Variants in NTM observed in about 807,000 individuals in gnomAD.
NTM encodes the protein IgLON family member 2.
NTM carries 13 observed loss-of-function variants against 42.1 expected under a neutral mutation model. That is an observed-to-expected ratio of 0.31 (90% confidence interval 0.20 to 0.49). The LOEUF (loss-of-function observed/expected upper bound fraction) is 0.49, where lower values mean the gene tolerates loss of function less well. Among genes scored for constraint, NTM ranks in the 20% least tolerant of loss-of-function variants. NTM has a pLI of 0.99. For missense variants in NTM, 373 were observed against 452.8 expected (o/e 0.82, Z 1.60); for synonymous variants, 187 against 179.2 (o/e 1.04, Z -0.35).
intron 1 of NTM, among the ~76,000 whole-genome samples, chr11:131,391,678 A>G (rs577302816): frequency 6.7e-4 from 100 of 149,652 alleles, no homozygotes; most frequent in African/African-American, 2.4e-3. Context: ...AGAAAAGAAG[A>G]AGGCTAGGAT....
chr11:131,767,413 T>C (rs1396985405), intron 1 of NTM, among the ~76,000 whole-genome samples: 1 of 151,974 alleles, frequency 6.6e-6, no homozygotes, highest in Non-Finnish European at 1.5e-5. Context: ...AAAAAGAAAA[T>C]CTACATGCTG....
intron 1 of NTM, among the ~76,000 whole-genome samples, chr11:131,888,744 G>T (rs1423682160): frequency 1.3e-5 from 2 of 152,104 alleles, no homozygotes; most frequent in South Asian, 2.1e-4. Context: ...TCATCCACAG[G>T]GGGTAAAGGG....
chr11:132,141,361 C>T (rs1034578896), intron 2 of NTM, among the ~76,000 whole-genome samples: 6 of 152,054 alleles, frequency 3.9e-5, no homozygotes, highest in African/African-American at 9.7e-5. Context: ...TCTATTTCTG[C>T]GGTGCACATC....
chr11:131,971,373 C>T (rs649928), intron 2 of NTM, among the ~76,000 whole-genome samples: 75,410 of 151,866 alleles, frequency 0.5, 19,362 homozygotes, highest in East Asian at 0.94. Flanking sequence ...TGTGTATTAC[C>T]GATTCTTTGG....
chr11:131,872,149 C>G (rs1345123076), intron 1 of NTM, among the ~76,000 whole-genome samples: 2 of 152,176 alleles, frequency 1.3e-5, no homozygotes, highest in African/African-American at 4.8e-5. Context: ...CACCCTCAAT[C>G]AAGAGTAAAG....
intron 4 of NTM, among the ~76,000 whole-genome samples, chr11:132,229,905 A>G (rs530484633): frequency 6.2e-4 from 95 of 152,318 alleles, no homozygotes; most frequent in African/African-American, 2.3e-3. Context: ...TAAAAATTCC[A>G]CTGTACAGTA....
chr11:132,051,962 T>C (rs2078915960), intron 2 of NTM, among the ~76,000 whole-genome samples: 1 of 152,150 alleles, frequency 6.6e-6, no homozygotes, highest in African/African-American at 2.4e-5. Flanking sequence ...ATGTTACTAG[T>C]TGGTCCATTG....
rs182209580 is a variant in NTM, at chr11:131,736,131, C to A, written c.83-175433C>A. Among the ~76,000 whole-genome samples, 167 of 152,200 alleles carry A rather than the reference C, an allele frequency of 1.1e-3. 1 individual carries two copies. Among genetic ancestry groups the A allele is most frequent in the African/African-American group, 3.5e-3 (144 of 41,528 alleles). Reference sequence around the variant, plus strand: ...TACAGGTGTGAGCCACCACACCCAGCCTCATGAGATAAATATTAAGAAACA... The same window carrying A: ...TACAGGTGTGAGCCACCACACCCAGACTCATGAGATAAATATTAAGAAACA... On this transcript the variant is annotated intron_variant, in intron 1 of 8. Coordinates refer to ENST00000683400, the MANE Select transcript of NTM (RefSeq NM_001352005.2).
intron 1 of NTM, among the ~76,000 whole-genome samples, chr11:131,748,285 G>T (rs1164018305): frequency 6.6e-6 from 1 of 152,182 alleles, no homozygotes; most frequent in Non-Finnish European, 1.5e-5. Flanking sequence ...CACTTGCCAC[G>T]CAGTCACCAG....
intron 4 of NTM, among the ~76,000 whole-genome samples, chr11:132,277,134 T>A (rs1006537697): frequency 6.6e-6 from 1 of 152,218 alleles, no homozygotes; most frequent in Non-Finnish European, 1.5e-5. Context: ...TAATCTGTAA[T>A]CCCTTTTATT....
At chr11:131,643,528 G>T (rs888279636) in intron 1 of NTM, among the ~76,000 whole-genome samples, 1 of 152,178 alleles carries the variant, frequency 6.6e-6, no homozygotes, top group South Asian at 2.1e-4. Flanking sequence ...AGTCCCTAGG[G>T]CTCTACTCAA....
intron 4 of NTM, among the ~76,000 whole-genome samples, chr11:132,247,683 C>CG (rs1566571790): frequency 6.6e-6 from 1 of 152,074 alleles, no homozygotes; most frequent in Admixed American, 6.5e-5. Flanking sequence ...ATCCTGGATT[C>CG]GGGGATAAGA....
At position 131,501,372 on chromosome 11, in the gene NTM, G is replaced by A. The variant is rs531875541; in HGVS notation, c.82+130484G>A. ...GTGAGTTTGGGGCAGATGAAAAGGA[G>A]CTGTCTGTGTAAAGAGCCAGGGGAG... On this transcript the variant is annotated intron_variant, in intron 1 of 8. Coordinates refer to ENST00000683400, the MANE Select transcript of NTM (RefSeq NM_001352005.2). 2.0e-5 allele frequency among the ~76,000 whole-genome samples: 3 copies of A among 152,286 alleles called. No homozygotes were observed. The East Asian group carries it at 5.8e-4, about 30-fold the overall frequency.
At chr11:131,528,165 T>C (rs962772333) in intron 1 of NTM, among the ~76,000 whole-genome samples, 1 of 152,226 alleles carries the variant, frequency 6.6e-6, no homozygotes, top group Non-Finnish European at 1.5e-5. Context: ...TCATTTTGTC[T>C]GTTTTTATTT....
At position 132,170,497 on chromosome 11, in the gene NTM, C is replaced by T. The variant is rs541833591; in HGVS notation, c.400+23983C>T. ...TACCTCTTGGTTACTTCTTTATAAC[C>T]ACATAGGATAAGCTGAATCTTTTGT... On this transcript the variant is annotated intron_variant, in intron 3 of 8. Transcript: ENST00000683400. 3.9e-5 allele frequency among the ~76,000 whole-genome samples: 6 copies of T among 152,236 alleles called. No homozygotes were observed. In the South Asian group the frequency reaches 1.2e-3, roughly 32 times the overall value.
chr11:131,867,069 G>A (rs962680840), intron 1 of NTM, among the ~76,000 whole-genome samples: 1 of 152,128 alleles, frequency 6.6e-6, no homozygotes, highest in Non-Finnish European at 1.5e-5. Context: ...GGGTGCAATC[G>A]CAGGATCAAT....
At chr11:132,240,413 A>C (rs1244174069) in intron 4 of NTM, among the ~76,000 whole-genome samples, 1 of 152,224 alleles carries the variant, frequency 6.6e-6, no homozygotes, top group Non-Finnish European at 1.5e-5. Context: ...TGGTGATTCT[A>C]ACAGTCTTCT....
chr11:131,776,093 AC>A (rs1163203333), intron 1 of NTM, among the ~76,000 whole-genome samples: 1 of 152,150 alleles, frequency 6.6e-6, no homozygotes, highest in Non-Finnish European at 1.5e-5. Context: ...GATGCTGAGA[AC>A]CTTGAGGCTA....
At chr11:131,527,582 A>G (rs1170488905) in intron 1 of NTM, among the ~76,000 whole-genome samples, 1 of 152,226 alleles carries the variant, frequency 6.6e-6, no homozygotes, top group African/African-American at 2.4e-5. Flanking sequence ...AAAAAGCCTC[A>G]TTATTGAATT....
Sources: gnomAD v4.1 joint callset for allele counts (sites outside exome capture counted in the v4.1 genomes callset) on GRCh38, gnomAD v4.1.1 for gene constraint, MANE v1.5 for transcripts, NCBI Gene and HGNC (gene_info 2026-07-23, HGNC 2026-07-21) for gene names.